The following CUBN variants were observed in gnomAD, a reference collection of about 807,000 sequenced individuals.
CUBN encodes the protein 460 kDa receptor.
In CUBN, 282 loss-of-function variants were observed where a neutral mutation model predicts 405.3. That is an observed-to-expected ratio of 0.70 (90% CI 0.63 to 0.77). CUBN has a LOEUF of 0.77. Among genes scored for constraint, CUBN ranks in the 30% least tolerant of loss-of-function variants. The pLI, the probability that CUBN is intolerant of heterozygous loss-of-function variation, is 0.00. For missense variants in CUBN, 4,514 were observed against 4,475.2 expected (o/e 1.01, Z -0.25); for synonymous variants, 1,684 against 1,617.0 (o/e 1.04, Z -0.99).
intron 28 of CUBN, among the ~76,000 whole-genome samples, chr10:16,993,032 T>C (rs980096940): frequency 1.2e-4 from 19 of 152,154 alleles, no homozygotes; most frequent in Admixed American, 9.8e-4. Flanking sequence ...ACAGGATGCT[T>C]CCGGAGTGGT....
intron 28 of CUBN, among the ~76,000 whole-genome samples, chr10:17,015,188 T>C (rs1233018854): frequency 6.6e-6 from 1 of 152,226 alleles, no homozygotes; most frequent in Admixed American, 6.5e-5. Context: ...CCTTGAGGGA[T>C]ATTGCCTTTG....
chr10:16,930,248 A>G (rs1000019204), intron 40 of CUBN, among the ~76,000 whole-genome samples: 19 of 152,230 alleles, frequency 1.2e-4, no homozygotes, highest in Non-Finnish European at 7.3e-5. Flanking sequence ...CAAGACTGAC[A>G]TTTATTGAGC....
chr10:17,033,551 A>T (rs1021542034), intron 27 of CUBN, among the ~76,000 whole-genome samples: 1 of 152,238 alleles, frequency 6.6e-6, no homozygotes, highest in Non-Finnish European at 1.5e-5. Flanking sequence ...AGCCTGAGGA[A>T]ATACCACAGC....
At chr10:17,017,852 G>C (rs1340486185) in intron 28 of CUBN, among the ~76,000 whole-genome samples, 1 of 151,932 alleles carries the variant, frequency 6.6e-6, no homozygotes, top group Non-Finnish European at 1.5e-5. Flanking sequence ...GAAGAGAGGC[G>C]AGAGGAAATT....
At chr10:16,892,068 C>A (rs1420630479) in intron 54 of CUBN, among the ~76,000 whole-genome samples, 4 of 152,128 alleles carry the variant, frequency 2.6e-5, no homozygotes, top group African/African-American at 9.7e-5. Flanking sequence ...AATAAAACAT[C>A]AAGTCATTAA....
chr10:17,029,424 T>C (rs1461231932), intron 27 of CUBN, among the ~76,000 whole-genome samples: 1 of 152,260 alleles, frequency 6.6e-6, no homozygotes, highest in Non-Finnish European at 1.5e-5. Flanking sequence ...AAATGCCTCA[T>C]GCTAAACTCA....
chr10:17,089,841 A>G (rs1836213304), intron 14 of CUBN, among the ~76,000 whole-genome samples: 1 of 152,204 alleles, frequency 6.6e-6, no homozygotes. Flanking sequence ...GATTGGAAAC[A>G]AGACTGGGTG....
chr10:17,021,027 C>T (rs4082518), intron 27 of CUBN, among the ~76,000 whole-genome samples: 34,458 of 152,034 alleles, frequency 0.23, 4,099 homozygotes, highest in East Asian at 0.37. Flanking sequence ...ATTATGATGA[C>T]GATCATGTTT....
chr10:17,034,124 C>A (rs550524257), intron 27 of CUBN, among the ~76,000 whole-genome samples: 1 of 152,084 alleles, frequency 6.6e-6, no homozygotes, highest in African/African-American at 2.4e-5. Flanking sequence ...GAGGGAAATG[C>A]CTTTGACTGA....
At chr10:16,939,492 A>G (rs1842599677) in intron 37 of CUBN, among the ~76,000 whole-genome samples, 1 of 152,248 alleles carries the variant, frequency 6.6e-6, no homozygotes, top group Non-Finnish European at 1.5e-5. Flanking sequence ...AGAATGGAAC[A>G]TTTAAAGAAA....
chr10:16,835,466 C>T (rs1179413900), intron 63 of CUBN, among the ~76,000 whole-genome samples: 1 of 152,194 alleles, frequency 6.6e-6, no homozygotes, highest in African/African-American at 2.4e-5. Context: ...GACGAATACT[C>T]GAGCATCCTT....
intron 28 of CUBN, among the ~76,000 whole-genome samples, chr10:17,005,520 CA>C (rs1833993036): frequency 6.6e-6 from 1 of 152,148 alleles, no homozygotes; most frequent in Non-Finnish European, 1.5e-5. Context: ...TGTGCCCTCA[CA>C]CCTTGCTGCT....
At position 16,907,620 on chromosome 10, in the gene CUBN, A is replaced by T. The variant is rs555761842; in HGVS notation, c.7593T>A (p.Asn2531Lys). The T allele has an allele frequency of 1.9e-6, 3 of 1,613,012 alleles. No homozygotes were observed. The South Asian group carries it at 3.3e-5, about 18-fold the overall frequency. The change falls in exon 49 of 67, where the codon AAT (asparagine) becomes AAA (lysine). Residue 2531 changes from asparagine to lysine, a missense_variant. By Grantham distance (94) the Asn-to-Lys change is moderately conservative (BLOSUM62 0). This residue lies in a region of CUBN where 1,613 missense variants were observed against 1,542.8 expected (regional missense o/e 1.05). Coordinates refer to ENST00000377833, the MANE Select transcript of CUBN (RefSeq NM_001081.4). ...PQLEKLCSSV[N>K]VSNEIKSSGN... is the part of the protein sequence containing the mutation. The stretch of plus-strand genomic sequence containing the variant: ...CTGAAGATTTAATCTCATTGCTTAC[A>T]TTCACACTACTACACAGTTTCTCTA...
chr10:16,971,345 G>A (rs565177717), intron 31 of CUBN, among the ~76,000 whole-genome samples: 11 of 152,252 alleles, frequency 7.2e-5, no homozygotes, highest in Non-Finnish European at 8.8e-5. Flanking sequence ...CTTCAACTCC[G>A]GCCTTCATGA....
intron 60 of CUBN, among the ~76,000 whole-genome samples, chr10:16,842,093 G>A (rs1839370752): frequency 6.7e-6 from 1 of 149,268 alleles, no homozygotes; most frequent in African/African-American, 2.5e-5. Flanking sequence ...TGCCCAGGCT[G>A]GAGTGCAGTG....
chr10:17,024,455 ATTATC>A lies in CUBN; in HGVS notation c.4018-4477_4018-4473del, dbSNP rs147906976. Among the ~76,000 whole-genome samples the A allele has an allele frequency of 7.6e-4, 115 of 152,312 alleles. No individual in the cohort carries two copies. In the East Asian group the frequency reaches 0.018, roughly 23 times the overall value. On this transcript the variant is annotated intron_variant, in intron 27 of 66. Transcript: ENST00000377833. ...CTGTAATAAATTAAAATTACAAGTA[ATTATC>A]TTATATATATGAGCTTGGGATGTAG...
intron 60 of CUBN, among the ~76,000 whole-genome samples, chr10:16,847,492 T>A (rs956435053): frequency 6.6e-6 from 1 of 151,310 alleles, no homozygotes; most frequent in East Asian, 1.9e-4. Flanking sequence ...AAAAAAAAAA[T>A]GTATTTTATT....
At position 17,077,174 on chromosome 10, in the gene CUBN, G is replaced by A. The variant is rs545790398; in HGVS notation, c.2302-5203C>T. On this transcript the variant is annotated intron_variant, in intron 17 of 66. Transcript: ENST00000377833. ...CACGGACCAGGTTCAGATTTCTTGT[G>A]GATTGCCTTATTCGTCCAGGAAACA... Among the ~76,000 whole-genome samples the A allele has an allele frequency of 2.0e-5, 3 of 152,222 alleles. No individual in the cohort carries two copies. The East Asian group carries it at 5.8e-4, about 29-fold the overall frequency.
chr10:17,044,950 A>C (rs1288544449), intron 25 of CUBN, 57 bp downstream of exon 25: 2 of 1,489,152 alleles, frequency 1.3e-6, no homozygotes, highest in Admixed American at 1.7e-5. Context: ...AAATAAGTGC[A>C]TTGTGCGTTG....
Sources: gnomAD v4.1 joint callset for allele counts (sites outside exome capture counted in the v4.1 genomes callset) on GRCh38, gnomAD v4.1.1 for gene constraint, gnomAD v4.1.1 regional missense constraint, MANE v1.5 for transcripts, NCBI Gene and HGNC (gene_info 2026-07-23, HGNC 2026-07-21) for gene names.